HHAT: variants seen among roughly 807,000 people sequenced by gnomAD.
HHAT encodes the protein protein-cysteine N-palmitoyltransferase HHAT.
A neutral mutation model predicts 70.8 loss-of-function variants in HHAT; 47 were observed. The ratio of observed to expected loss-of-function variants is 0.66; its 90% CI spans 0.53 to 0.85. The LOEUF (loss-of-function observed/expected upper bound fraction) is 0.85, where lower values mean the gene tolerates loss of function less well. HHAT is among the 40% of genes least tolerant of loss of function. The probability of loss-of-function intolerance (pLI) is 0.00; values close to 1 mark genes in which losing one functional copy is unlikely to be tolerated. For synonymous variants in HHAT, 228 were observed against 247.6 expected, an observed-to-expected ratio of 0.92 and a Z score of 0.74; for missense variants, 609 against 604.8, an observed-to-expected ratio of 1.01 and a Z score of -0.07.
chr1:210,377,001 C>A (rs929230432), intron 3 of HHAT, among the ~76,000 whole-genome samples: 5 of 152,242 alleles, frequency 3.3e-5, no homozygotes, highest in Admixed American at 3.3e-4. Flanking sequence ...TGTCTGCCCA[C>A]TGCAGAGATG....
At chr1:210,503,730 C>T (rs1037876744) in intron 8 of HHAT, among the ~76,000 whole-genome samples, 17 of 152,170 alleles carry the variant, frequency 1.1e-4, no homozygotes, top group African/African-American at 3.6e-4. Context: ...TCTAGTCTGG[C>T]TTCCATTTCC....
intron 9 of HHAT, among the ~76,000 whole-genome samples, chr1:210,524,090 G>C (rs980507689): frequency 1.3e-5 from 2 of 152,196 alleles, no homozygotes; most frequent in African/African-American, 2.4e-5. Context: ...TTGCCAGGGG[G>C]TGGGGGAAGG....
chr1:210,516,424 G>T (rs1373408508), intron 9 of HHAT, among the ~76,000 whole-genome samples: 3 of 152,298 alleles, frequency 2.0e-5, no homozygotes, highest in South Asian at 4.2e-4. Context: ...GTGGAGAGAA[G>T]TAGAGCCTGA....
chr1:210,529,023 GGCTGGGCGTGGTGGCTCAC>G (rs1354630405), intron 9 of HHAT, among the ~76,000 whole-genome samples: 1 of 152,188 alleles, frequency 6.6e-6, no homozygotes, highest in Admixed American at 6.5e-5. Context: ...TGGTGGCTAA[GGCTGGGCGTGGTGGCTCAC>G]GCTGGTAATC....
At position 210,570,151 on chromosome 1, in the gene HHAT, G is replaced by A. The variant is rs79723212; in HGVS notation, c.1044-17747G>A. 3.8e-3 allele frequency among the ~76,000 whole-genome samples: 579 copies of A among 152,316 alleles called. 2 individuals carry two copies. Among genetic ancestry groups the A allele is most frequent in the African/African-American group, 0.013 (556 of 41,570 alleles). On this transcript the variant is annotated intron_variant, in intron 9 of 11. Transcript: ENST00000261458. ...CTTTGTTCCTAGAAACTTGCACCCT[G>A]AAAGGGAGACATTTTACCTTAGCAC...
chr1:210,344,601 A>G (rs2086342688), intron 1 of HHAT, among the ~76,000 whole-genome samples: 1 of 152,088 alleles, frequency 6.6e-6, no homozygotes, highest in Non-Finnish European at 1.5e-5. Flanking sequence ...TTAGCCATCA[A>G]CCCCAAATTT....
chr1:210,502,892 TTTC>T (rs2094785817), intron 8 of HHAT, among the ~76,000 whole-genome samples: 1 of 152,212 alleles, frequency 6.6e-6, no homozygotes, highest in African/African-American at 2.4e-5. Flanking sequence ...CAATTTTTTT[TTTC>T]TTTCTTGCTG....
intron 11 of HHAT, among the ~76,000 whole-genome samples, chr1:210,648,033 G>C (rs940575629): frequency 6.6e-6 from 1 of 152,138 alleles, no homozygotes; most frequent in Admixed American, 6.5e-5. Flanking sequence ...TCCCACCTCT[G>C]GGTAAGCCTG....
At chr1:210,415,659 A>G (rs2092698371) in intron 6 of HHAT, among the ~76,000 whole-genome samples, 1 of 149,406 alleles carries the variant, frequency 6.7e-6, no homozygotes, top group South Asian at 2.1e-4. Context: ...TGTTGTACCA[A>G]TTTTTTCCTT....
intron 1 of HHAT, 35 bp from the exon 2 acceptor site, chr1:210,348,898 T>C (rs1359659236): frequency 3.8e-6 from 6 of 1,578,358 alleles, no homozygotes; most frequent in South Asian, 1.2e-5. Flanking sequence ...TCTAGTGTCA[T>C]GTTCATGGCT....
At chr1:210,482,033 G>T (rs1432587831) in intron 8 of HHAT, among the ~76,000 whole-genome samples, 31 of 152,274 alleles carry the variant, frequency 2.0e-4, no homozygotes, top group African/African-American at 7.5e-4. Flanking sequence ...GACTTTGTAA[G>T]CGATAGTTCA....
intron 9 of HHAT, among the ~76,000 whole-genome samples, chr1:210,586,790 AG>A (rs1470245467): frequency 3.9e-5 from 6 of 152,202 alleles, no homozygotes; most frequent in Non-Finnish European, 8.8e-5. Flanking sequence ...GTATGCTCCT[AG>A]CTTTCCAGGT....
At chr1:210,335,395 T>C (rs1012517290) in intron 1 of HHAT, among the ~76,000 whole-genome samples, 1 of 151,542 alleles carries the variant, frequency 6.6e-6, no homozygotes, top group Non-Finnish European at 1.5e-5. Context: ...AAGGTATTGC[T>C]CTGCAAATCT....
intron 8 of HHAT, among the ~76,000 whole-genome samples, chr1:210,501,116 T>C (rs747683424): frequency 6.6e-5 from 10 of 152,260 alleles, no homozygotes; most frequent in African/African-American, 1.4e-4. Flanking sequence ...GCATCACTTA[T>C]GTTTCCTCCA....
intron 10 of HHAT, among the ~76,000 whole-genome samples, chr1:210,613,360 G>C (rs896023697): frequency 1.3e-5 from 2 of 152,172 alleles, no homozygotes; most frequent in Non-Finnish European, 2.9e-5. Flanking sequence ...TGGAAAGACT[G>C]TTCTTTCCTC....
At chr1:210,623,735 T>C (rs1669327668) in intron 11 of HHAT, 65 bp downstream of exon 11, 8 of 1,516,140 alleles carry the variant, frequency 5.3e-6, no homozygotes, top group Non-Finnish European at 7.2e-6. Context: ...GATGGGATCA[T>C]ACATGGGATG....
chr1:210,450,107 C>T (rs1373660231), intron 7 of HHAT, among the ~76,000 whole-genome samples: 1 of 152,112 alleles, frequency 6.6e-6, no homozygotes, highest in Non-Finnish European at 1.5e-5. Flanking sequence ...GCCTGGCCAA[C>T]ATGGTGAACC....
In HHAT at chr1:210,617,894, T is replaced by C. The variant is rs542353488; in HGVS notation, c.1246-5632T>C. ...ATTGCTTTCAAAGGCTCTTCATGTA[T>C]TCATTCAGCTTGGATATAAGGTGGG... On this transcript the variant is annotated intron_variant, in intron 10 of 11. Coordinates refer to ENST00000261458, the MANE Select transcript of HHAT (RefSeq NM_018194.6). Among the ~76,000 whole-genome samples the C allele has an allele frequency of 3.9e-5, 6 of 152,306 alleles. 1 individual carries two copies. Among genetic ancestry groups the C allele is most frequent in the African/African-American group, 1.2e-4 (5 of 41,574 alleles).
chr1:210,431,452 G>A (rs771290958), intron 7 of HHAT, among the ~76,000 whole-genome samples: 2 of 151,772 alleles, frequency 1.3e-5, no homozygotes, highest in Non-Finnish European at 2.9e-5. Context: ...TTTCCAAACA[G>A]CTCAAGTATA....
Sources: allele counts gnomAD v4.1 joint callset (sites outside exome capture counted in the v4.1 genomes callset), GRCh38; gene constraint gnomAD v4.1.1; transcripts MANE v1.5; gene names NCBI Gene and HGNC (gene_info 2026-07-23, HGNC 2026-07-21).